Variants in SEMA3D observed in about 807,000 individuals in gnomAD.
SEMA3D encodes semaphorin-3D.
A neutral mutation model predicts 100.1 loss-of-function variants in SEMA3D; 84 were observed. That is an observed-to-expected ratio of 0.84 (90% confidence interval 0.70 to 1.01). The LOEUF (loss-of-function observed/expected upper bound fraction) is 1.01. Ranked by LOEUF, SEMA3D falls within the 50% of genes least tolerant of loss-of-function variation. The pLI, the probability that SEMA3D is intolerant of heterozygous loss-of-function variation, is 0.00. For missense variants in SEMA3D, 875 were observed against 934.1 expected (o/e 0.94, Z 0.82); for synonymous variants, 312 against 320.7 (o/e 0.97, Z 0.29).
intron 12 of SEMA3D, among the ~76,000 whole-genome samples, chr7:85,031,087 A>G (rs1480098182): frequency 6.6e-6 from 1 of 152,028 alleles, no homozygotes; most frequent in Non-Finnish European, 1.5e-5. Context: ...AACATTGCAG[A>G]GCAGTGATGT....
At chr7:85,066,036 A>C (rs1791610160) in intron 7 of SEMA3D, among the ~76,000 whole-genome samples, 1 of 152,212 alleles carries the variant, frequency 6.6e-6, no homozygotes, top group Admixed American at 6.5e-5. Flanking sequence ...AGCTTTCAGC[A>C]CTGAAGTCAT....
At chr7:85,229,187 T>G in the SEMA3D span, among the ~76,000 whole-genome samples, 1 of 152,038 alleles carries the variant, frequency 6.6e-6, no homozygotes, top group South Asian at 2.1e-4. Flanking sequence ...TTTAGAAATC[T>G]TGAAACTACA....
chr7:85,236,867 TA>T, the SEMA3D span, among the ~76,000 whole-genome samples: 1 of 152,162 alleles, frequency 6.6e-6, no homozygotes. Flanking sequence ...ATGCTAGAGC[TA>T]AAGAATTTTA....
At chr7:85,228,060 A>G in the SEMA3D span, among the ~76,000 whole-genome samples, 1 of 152,208 alleles carries the variant, frequency 6.6e-6, no homozygotes, top group East Asian at 1.9e-4. Context: ...AGTATATGAC[A>G]TTGGCCAAAA....
intron 12 of SEMA3D, among the ~76,000 whole-genome samples, chr7:85,033,654 A>C (rs1257133411): frequency 6.6e-6 from 1 of 152,114 alleles, no homozygotes; most frequent in African/African-American, 2.4e-5. Context: ...CTCCTATAAT[A>C]TCTAGATAAT....
chr7:85,206,614 C>T, the SEMA3D span, among the ~76,000 whole-genome samples: 1 of 152,052 alleles, frequency 6.6e-6, no homozygotes, highest in African/African-American at 2.4e-5. Context: ...GTTACATGTT[C>T]TTAGGTATTA....
the SEMA3D span, among the ~76,000 whole-genome samples, chr7:85,197,620 A>C: frequency 6.6e-6 from 1 of 152,126 alleles, no homozygotes; most frequent in African/African-American, 2.4e-5. Context: ...GGACCTCCTG[A>C]GGGCTGTGTC....
chr7:85,010,943 A>G (rs1789934676), intron 17 of SEMA3D, among the ~76,000 whole-genome samples: 2 of 151,802 alleles, frequency 1.3e-5, no homozygotes, highest in Admixed American at 6.6e-5. Flanking sequence ...GATGAAAAGG[A>G]AAGTTAAGAA....
chr7:85,199,096 T>G, the SEMA3D span, among the ~76,000 whole-genome samples: 4 of 152,062 alleles, frequency 2.6e-5, no homozygotes, highest in African/African-American at 9.6e-5. Context: ...ATCATTATTA[T>G]TTTTAATGTC....
intron 18 of SEMA3D, among the ~76,000 whole-genome samples, chr7:85,000,663 T>TTTC (rs1789631667): frequency 6.6e-6 from 1 of 152,186 alleles, no homozygotes; most frequent in African/African-American, 2.4e-5. Context: ...ATTTCAAGTG[T>TTTC]GAGAAAGCAC....
chr7:85,230,523 C>G, the SEMA3D span, among the ~76,000 whole-genome samples: 1 of 152,182 alleles, frequency 6.6e-6, no homozygotes, highest in Non-Finnish European at 1.5e-5. Context: ...TCATAACCTA[C>G]ATTGTAGAGC....
intron 1 of SEMA3D, among the ~76,000 whole-genome samples, chr7:85,155,466 A>G (rs1790563745): frequency 6.6e-6 from 1 of 152,128 alleles, no homozygotes; most frequent in Non-Finnish European, 1.5e-5. Context: ...ACAGGTACAT[A>G]TTAAACCCCT....
intron 8 of SEMA3D, among the ~76,000 whole-genome samples, 172 bp downstream of exon 8, chr7:85,065,252 T>C (rs1791582683): frequency 6.6e-6 from 1 of 152,190 alleles, no homozygotes; most frequent in African/African-American, 2.4e-5. Flanking sequence ...TGTATTACTA[T>C]ATAAACAAAA....
intron 1 of SEMA3D, among the ~76,000 whole-genome samples, chr7:85,163,292 G>A (rs1312019892): frequency 6.6e-6 from 1 of 151,990 alleles, no homozygotes; most frequent in East Asian, 1.9e-4. Context: ...ACTTGAAAAA[G>A]GAGAAAGTAA....
At chr7:85,104,346 A>G (rs1037489522) in intron 3 of SEMA3D, among the ~76,000 whole-genome samples, 2 of 152,268 alleles carry the variant, frequency 1.3e-5, no homozygotes, top group African/African-American at 4.8e-5. Context: ...TATCTCTAAT[A>G]GTAAAATGGA....
chr7:85,214,964 A>G, the SEMA3D span, among the ~76,000 whole-genome samples: 1 of 152,152 alleles, frequency 6.6e-6, no homozygotes, highest in Non-Finnish European at 1.5e-5. Context: ...TAGAAAGAGT[A>G]GGAAAAATAT....
chr7:85,063,895 C>T (rs1791542987), intron 8 of SEMA3D, among the ~76,000 whole-genome samples: 1 of 152,182 alleles, frequency 6.6e-6, no homozygotes, highest in African/African-American at 2.4e-5. Flanking sequence ...GTCGGTGACC[C>T]TCCCCTATCT....
chr7:85,024,943 T>C (rs1679826208), intron 12 of SEMA3D, among the ~76,000 whole-genome samples: 1 of 152,062 alleles, frequency 6.6e-6, no homozygotes, highest in Middle Eastern at 3.4e-3. Flanking sequence ...AAAGAAAAAT[T>C]TCGTAAAAGA....
chr7:85,220,326 G>A, the SEMA3D span, among the ~76,000 whole-genome samples: 21 of 134,416 alleles, frequency 1.6e-4, no homozygotes, highest in African/African-American at 5.6e-4. Flanking sequence ...AGAGTTTCAG[G>A]TTCCTTTTTT....
Sources: allele counts gnomAD v4.1 joint callset (sites outside exome capture counted in the v4.1 genomes callset), GRCh38; gene constraint gnomAD v4.1.1; transcripts MANE v1.5; gene names NCBI Gene and HGNC (gene_info 2026-07-23, HGNC 2026-07-21).